Variants in CALN1 observed in about 807,000 individuals in gnomAD.
CALN1 encodes calcium-binding protein 8.
In CALN1, 17 loss-of-function variants were observed where a neutral mutation model predicts 30.6. That is an observed-to-expected ratio of 0.56 (90% CI 0.38 to 0.83). The LOEUF (loss-of-function observed/expected upper bound fraction) is 0.83, where lower values mean the gene tolerates loss of function less well. CALN1 is among the 40% of genes least tolerant of loss of function. CALN1 has a pLI of 0.00. For synonymous variants in CALN1, 156 were observed against 131.4 expected (o/e 1.19, Z -1.28); for missense variants, 291 against 354.9 (o/e 0.82, Z 1.45).
chr7:72,403,264 CG>C lies in CALN1; in HGVS notation c.105del (p.Asp36ThrfsTer13), dbSNP rs1806465473. On this transcript the variant is annotated frameshift_variant, in exon 2 of 7. Transcript: ENST00000395275. LOFTEE classifies it high-confidence loss of function. ...GGEEPPRSQA[P>X]DFPTWEKMPF... ...AAGAAGACTTGCCAGGTGGGGAAGT[CG>C]GGGGCCTGGCTCCTCGGCGGCTCCT... 6 of 1,549,532 alleles carry C rather than the reference CG, an allele frequency of 3.9e-6. No homozygotes were observed. In the East Asian group the frequency reaches 1.2e-4, roughly 32 times the overall value.
chr7:72,469,159 C>G, the CALN1 span, among the ~76,000 whole-genome samples: 1 of 152,104 alleles, frequency 6.6e-6, no homozygotes, highest in East Asian at 1.9e-4. Context: ...ATATTTACCC[C>G]TATATTTTCT....
chr7:72,033,930 G>A (rs150313313), intron 4 of CALN1, among the ~76,000 whole-genome samples: 6 of 152,214 alleles, frequency 3.9e-5, no homozygotes, highest in Middle Eastern at 3.4e-3. Flanking sequence ...ATGGGGATTG[G>A]AGAAGTCTGG....
chr7:72,496,208 C>T, the CALN1 span, among the ~76,000 whole-genome samples: 2 of 152,198 alleles, frequency 1.3e-5, no homozygotes, highest in Non-Finnish European at 2.9e-5. Context: ...AGGTGTGAGC[C>T]ACCATGCCCG....
chr7:72,291,031 C>T (rs977372356), intron 2 of CALN1, among the ~76,000 whole-genome samples: 1 of 151,454 alleles, frequency 6.6e-6, no homozygotes, highest in Non-Finnish European at 1.5e-5. Flanking sequence ...TCAAGCAATT[C>T]TCCTGCCTCA....
At chr7:71,985,432 C>T (rs1051574725) in intron 5 of CALN1, among the ~76,000 whole-genome samples, 2 of 151,932 alleles carry the variant, frequency 1.3e-5, no homozygotes, top group African/African-American at 4.8e-5. Context: ...TTGAATGAGC[C>T]CAGCAGTTGA....
intron 6 of CALN1, among the ~76,000 whole-genome samples, chr7:71,803,473 T>G (rs569768926): frequency 2.6e-4 from 39 of 152,254 alleles, no homozygotes; most frequent in Non-Finnish European, 4.6e-4. Flanking sequence ...TCAGGAAGAC[T>G]TGCCTTCTTT....
At chr7:72,217,490 G>C (rs1297101613) in intron 3 of CALN1, among the ~76,000 whole-genome samples, 2 of 152,158 alleles carry the variant, frequency 1.3e-5, no homozygotes, top group African/African-American at 4.8e-5. Context: ...ACTCTTCAAA[G>C]AGCAAAGTGT....
chr7:71,903,309 G>C (rs893588229), intron 5 of CALN1, among the ~76,000 whole-genome samples: 1 of 152,102 alleles, frequency 6.6e-6, no homozygotes, highest in East Asian at 1.9e-4. Flanking sequence ...AAAATACTAT[G>C]AAGCTATAGT....
intron 2 of CALN1, among the ~76,000 whole-genome samples, chr7:72,340,104 GTTCTAAAT>G (rs1328828276): frequency 6.6e-6 from 1 of 152,208 alleles, no homozygotes; most frequent in African/African-American, 2.4e-5. Flanking sequence ...TGTGGTTCTT[GTTCTAAAT>G]TTCTTCCTGA....
At chr7:71,827,902 C>T (rs762690207) in intron 5 of CALN1, among the ~76,000 whole-genome samples, 11 of 151,968 alleles carry the variant, frequency 7.2e-5, no homozygotes, top group South Asian at 2.1e-4. Context: ...ATTTGGGGGA[C>T]GGACATTCCA....
In CALN1 at chr7:72,277,035, C is replaced by T. The variant is rs11981552; in HGVS notation, c.244+1651G>A. ...AGACTTCCAAGCCTCCTGAACTGTG[C>T]GAAATAAATTTCTGTTCTTTATGAG... is the stretch of plus-strand genomic sequence containing the variant. On this transcript the variant is annotated intron_variant, in intron 3 of 6. Transcript: ENST00000395275. 2.6e-4 allele frequency among the ~76,000 whole-genome samples: 39 copies of T among 148,688 alleles called. No individual in the cohort carries two copies. In the South Asian group the frequency reaches 6.0e-3, roughly 23 times the overall value.
chr7:72,345,894 A>G (rs747561884), intron 2 of CALN1, among the ~76,000 whole-genome samples: 5 of 152,312 alleles, frequency 3.3e-5, no homozygotes, highest in Middle Eastern at 3.4e-3. Context: ...TTTTTTAAAT[A>G]TAACGTGGCA....
intron 3 of CALN1, among the ~76,000 whole-genome samples, chr7:72,203,979 C>CTCTTTT (rs59798860): frequency 1.2e-5 from 1 of 83,778 alleles, no homozygotes; most frequent in Non-Finnish European, 2.1e-5. Flanking sequence ...AGGCCTCTCT[C>CTCTTTT]TTTTTTTTTT....
Position 72,437,452 on chromosome 7 carries a change from A to G in CALN1, c.-226+9590T>C, listed in dbSNP as rs569444763. Among the ~76,000 whole-genome samples, 27 of 152,236 alleles carry G rather than the reference A, an allele frequency of 1.8e-4. 1 individual carries two copies. The South Asian group carries it at 5.6e-3, about 32-fold the overall frequency. The stretch of plus-strand genomic sequence containing the variant: ...TAAGGGCTGTTTTAGCTTCAAAACA[A>G]AAGAGAACAATGGCAAGGAGAAGGG... On this transcript the variant is annotated intron_variant, in intron 1 of 6. Transcript: ENST00000395276.
intron 5 of CALN1, among the ~76,000 whole-genome samples, chr7:72,006,327 G>A (rs563859297): frequency 6.6e-6 from 1 of 152,228 alleles, no homozygotes; most frequent in African/African-American, 2.4e-5. Flanking sequence ...CTAACAAGAA[G>A]AGCTATTGTT....
intron 2 of CALN1, among the ~76,000 whole-genome samples, chr7:72,355,932 T>A (rs1004399966): frequency 1.3e-5 from 2 of 152,314 alleles, no homozygotes; most frequent in East Asian, 3.9e-4. Context: ...ATGTAAATTA[T>A]CCTCAATAAA....
chr7:72,479,436 T>C, the CALN1 span, among the ~76,000 whole-genome samples: 1 of 152,198 alleles, frequency 6.6e-6, no homozygotes, highest in African/African-American at 2.4e-5. Context: ...TTATCATGCT[T>C]TTTGTTTTTA....
chr7:72,443,001 A>G (rs1403911773), intron 1 of CALN1, among the ~76,000 whole-genome samples: 1 of 152,190 alleles, frequency 6.6e-6, no homozygotes, highest in African/African-American at 2.4e-5. Flanking sequence ...GGTTGTGCTT[A>G]TTTAGGATTG....
chr7:72,155,894 C>T (rs1237336869), intron 3 of CALN1, among the ~76,000 whole-genome samples: 4 of 152,144 alleles, frequency 2.6e-5, no homozygotes, highest in Non-Finnish European at 5.9e-5. Context: ...ACCATGGCTC[C>T]CTCCTCCACC....
Sources: gnomAD v4.1 joint callset for allele counts (sites outside exome capture counted in the v4.1 genomes callset) on GRCh38, gnomAD v4.1.1 for gene constraint, MANE v1.5 for transcripts, NCBI Gene and HGNC (gene_info 2026-07-23, HGNC 2026-07-21) for gene names.